Variants in RANBP2 observed in about 807,000 individuals in gnomAD.
RANBP2 encodes the protein RAN binding protein 2.
RANBP2 carries 57 observed loss-of-function variants against 303.6 expected under a neutral mutation model. The ratio of observed to expected loss-of-function variants is 0.19; its 90% CI spans 0.15 to 0.23. RANBP2 has a LOEUF of 0.23. Ranked by LOEUF, RANBP2 falls within the 10% of genes least tolerant of loss-of-function variation. The probability of loss-of-function intolerance (pLI) is 1.00; values close to 1 mark genes in which losing one functional copy is unlikely to be tolerated. For missense variants in RANBP2, 3,138 were observed against 3,780.8 expected (o/e 0.83, Z 4.46); for synonymous variants, 1,167 against 1,301.5 (o/e 0.90, Z 2.23).
the RANBP2 span, among the ~76,000 whole-genome samples, chr2:109,683,321 T>C: frequency 6.6e-6 from 1 of 152,196 alleles, no homozygotes; most frequent in Non-Finnish European, 1.5e-5. Flanking sequence ...GTAGGGTATA[T>C]AAGAATCTGT....
chr2:109,582,920 A>T, the RANBP2 span, among the ~76,000 whole-genome samples: 1 of 152,236 alleles, frequency 6.6e-6, no homozygotes, highest in African/African-American at 2.4e-5. Context: ...AAAAATAAGC[A>T]ATGGGGAAAG....
At chr2:108,849,475 A>G in the RANBP2 span, among the ~76,000 whole-genome samples, 2 of 152,030 alleles carry the variant, frequency 1.3e-5, no homozygotes, top group Non-Finnish European at 2.9e-5. Context: ...ACTGCCTCCC[A>G]TGGTGACTCT....
At chr2:108,775,327 G>C (rs1649330) in intron 23 of RANBP2, among the ~76,000 whole-genome samples, 28,263 of 152,048 alleles carry the variant, frequency 0.19, 2,778 homozygotes, top group African/African-American at 0.24. Flanking sequence ...TGTGAGGTCT[G>C]TCTTGGTGAA....
At chr2:109,731,456 G>A in the RANBP2 span, among the ~76,000 whole-genome samples, 10 of 149,612 alleles carry the variant, frequency 6.7e-5, no homozygotes, top group African/African-American at 1.2e-4. Flanking sequence ...GTGCAGTGGC[G>A]TGATCTCAGC....
At chr2:109,405,222 G>A in the RANBP2 span, among the ~76,000 whole-genome samples, 1 of 152,136 alleles carries the variant, frequency 6.6e-6, no homozygotes, top group Non-Finnish European at 1.5e-5. Flanking sequence ...GCGCATGCCA[G>A]GAGCAACCGA....
At chr2:109,058,529 C>G in the RANBP2 span, among the ~76,000 whole-genome samples, 2 of 152,332 alleles carry the variant, frequency 1.3e-5, no homozygotes, top group South Asian at 4.1e-4. Context: ...GAGGGATTTG[C>G]ACAAATGTGG....
At chr2:109,347,962 C>G in the RANBP2 span, 1 of 1,586,808 alleles carries the variant, frequency 6.3e-7, no homozygotes, top group Non-Finnish European at 8.6e-7. Context: ...AAGGTGAGCC[C>G]CGGGGTGGGC....
chr2:108,812,907 C>G, the RANBP2 span: 2 of 1,613,224 alleles, frequency 1.2e-6, no homozygotes, highest in African/African-American at 2.7e-5. Context: ...AGAAAAAGCA[C>G]CAGTTTCAAA....
chr2:109,284,678 T>C, the RANBP2 span, among the ~76,000 whole-genome samples: 5 of 152,166 alleles, frequency 3.3e-5, no homozygotes, highest in African/African-American at 7.2e-5. Flanking sequence ...GCTTTAGTGA[T>C]TTTTTTGAGA....
At chr2:109,692,820 C>CT in the RANBP2 span, among the ~76,000 whole-genome samples, 36,697 of 139,270 alleles carry the variant, frequency 0.26, 5,956 homozygotes, top group Non-Finnish European at 0.36. Flanking sequence ...TTCTTTCTTT[C>CT]TTTTTTTTTT....
the RANBP2 span, among the ~76,000 whole-genome samples, chr2:109,163,364 C>G: frequency 7.2e-6 from 1 of 138,042 alleles, no homozygotes; most frequent in Non-Finnish European, 1.5e-5. Flanking sequence ...CTGGAGTTCT[C>G]AATAGATTAA....
At chr2:109,004,186 G>A in the RANBP2 span, among the ~76,000 whole-genome samples, 30 of 152,182 alleles carry the variant, frequency 2.0e-4, no homozygotes, top group Non-Finnish European at 4.0e-4. Context: ...GGAGCTCATG[G>A]CAACTTCGTA....
chr2:109,298,910 C>A, the RANBP2 span, among the ~76,000 whole-genome samples: 1 of 152,200 alleles, frequency 6.6e-6, no homozygotes, highest in Non-Finnish European at 1.5e-5. Context: ...TGCCAGTCCT[C>A]AACTCAGAAT....
At chr2:108,918,240 G>A in the RANBP2 span, among the ~76,000 whole-genome samples, 4 of 152,174 alleles carry the variant, frequency 2.6e-5, no homozygotes, top group South Asian at 4.1e-4. Context: ...GATAGGCACC[G>A]GCACCCCCTG....
chr2:109,680,516 G>C, the RANBP2 span, among the ~76,000 whole-genome samples: 1 of 152,188 alleles, frequency 6.6e-6, no homozygotes, highest in African/African-American at 2.4e-5. Context: ...CATGTGTAAA[G>C]TGAAAGTAAT....
At chr2:109,650,732 C>T in the RANBP2 span, among the ~76,000 whole-genome samples, 3 of 152,196 alleles carry the variant, frequency 2.0e-5, no homozygotes, top group East Asian at 5.8e-4. Context: ...TTTCCTCTTT[C>T]TCTTGGCTCT....
At chr2:109,097,319 AC>A in the RANBP2 span, among the ~76,000 whole-genome samples, 1 of 3,362 alleles carries the variant, frequency 3.0e-4, no homozygotes, top group African/African-American at 3.2e-4. Flanking sequence ...AAAACAAAAA[AC>A]AAAACAAAAC....
chr2:108,783,718 C>T lies in RANBP2; in HGVS notation c.9492C>T (p.Gly3164=), dbSNP rs187018864. ...GPGLLSMANQ[G]QNTNNSQFVI... ...GTTTACTATCCATGGCCAATCAAGG[C>T]CAGAATACCAATAATTCTCAATTTG... The change falls in exon 29 of 29, where the codon GGC becomes GGT. Residue 3164 remains glycine (G), a synonymous_variant. Coordinates refer to ENST00000283195, the MANE Select transcript of RANBP2 (RefSeq NM_006267.5). 3 of 1,612,240 alleles carry T rather than the reference C, an allele frequency of 1.9e-6. No individual in the cohort carries two copies. Among genetic ancestry groups the T allele is most frequent in the African/African-American group, 2.7e-5 (2 of 74,822 alleles).
At chr2:109,182,532 G>A in the RANBP2 span, among the ~76,000 whole-genome samples, 1 of 152,138 alleles carries the variant, frequency 6.6e-6, no homozygotes, top group Non-Finnish European at 1.5e-5. Context: ...TTTTCTTCCT[G>A]GATGTGCTTG....
Sources: allele counts gnomAD v4.1 joint callset (sites outside exome capture counted in the v4.1 genomes callset), GRCh38; gene constraint gnomAD v4.1.1; transcripts MANE v1.5; gene names NCBI Gene and HGNC (gene_info 2026-07-23, HGNC 2026-07-21).